The following ADAMTS17 variants were observed in gnomAD, a reference collection of about 807,000 sequenced individuals.
ADAMTS17 encodes ADAM metallopeptidase with thrombospondin type 1 motif 17, also known as A disintegrin and metalloproteinase with thrombospondin motifs 17.
In ADAMTS17, 113 loss-of-function variants were observed where a neutral mutation model predicts 141.5. The ratio of observed to expected loss-of-function variants is 0.80; its 90% CI spans 0.69 to 0.93. ADAMTS17 has a LOEUF of 0.93. Among genes scored for constraint, ADAMTS17 ranks in the 40% least tolerant of loss-of-function variants. The probability of loss-of-function intolerance (pLI) is 0.00; values close to 1 mark genes in which losing one functional copy is unlikely to be tolerated. For missense variants in ADAMTS17, 1,659 were observed against 1,517.9 expected (o/e 1.09, Z -1.54); for synonymous variants, 768 against 630.6 (o/e 1.22, Z -3.27).
chr15:99,985,806 G>A (rs1161968442), intron 20 of ADAMTS17, among the ~76,000 whole-genome samples: 5 of 152,204 alleles, frequency 3.3e-5, no homozygotes, highest in Non-Finnish European at 5.9e-5. Context: ...GAGGGAACGT[G>A]CTTTGTAAAT....
intron 7 of ADAMTS17, among the ~76,000 whole-genome samples, chr15:100,205,675 C>T (rs2041516013): frequency 6.6e-6 from 1 of 152,172 alleles, no homozygotes; most frequent in Admixed American, 6.5e-5. Flanking sequence ...CCTTGAAAAT[C>T]TCTTATTTTG....
chr15:100,010,132 T>C (rs140527951), intron 18 of ADAMTS17, among the ~76,000 whole-genome samples: 1 of 152,302 alleles, frequency 6.6e-6, no homozygotes, highest in East Asian at 1.9e-4. Flanking sequence ...GTGCCTTTGT[T>C]CTCTTTTGGC....
intron 4 of ADAMTS17, among the ~76,000 whole-genome samples, chr15:100,270,719 T>C (rs2142031497): frequency 8.4e-6 from 1 of 118,920 alleles, no homozygotes; most frequent in East Asian, 2.8e-4. Flanking sequence ...AGGCAGGTGA[T>C]ATGTAGGATG....
intron 7 of ADAMTS17, among the ~76,000 whole-genome samples, chr15:100,224,933 T>C (rs4412959): frequency 0.25 from 37,333 of 152,156 alleles, 4,877 homozygotes; most frequent in African/African-American, 0.31. Context: ...CTTAACCACC[T>C]GCATTCCATC....
At chr15:100,103,776 A>G (rs1451472783) in intron 14 of ADAMTS17, among the ~76,000 whole-genome samples, 1 of 152,098 alleles carries the variant, frequency 6.6e-6, no homozygotes, top group Non-Finnish European at 1.5e-5. Flanking sequence ...GGGTTTCACC[A>G]TATCGGCCAG....
At chr15:100,310,927 C>T (rs1380732335) in intron 3 of ADAMTS17, among the ~76,000 whole-genome samples, 1 of 152,220 alleles carries the variant, frequency 6.6e-6, no homozygotes, top group Non-Finnish European at 1.5e-5. Context: ...CTTTGGAAAG[C>T]AGGCTTTGCA....
intron 18 of ADAMTS17, among the ~76,000 whole-genome samples, chr15:100,006,689 A>G (rs1035882567): frequency 2.6e-5 from 4 of 152,294 alleles, no homozygotes; most frequent in African/African-American, 9.6e-5. Flanking sequence ...ATGGGCGCAA[A>G]AGAAGGCGCT....
At chr15:100,322,181 G>A (rs2045752221) in intron 3 of ADAMTS17, among the ~76,000 whole-genome samples, 1 of 152,216 alleles carries the variant, frequency 6.6e-6, no homozygotes, top group Non-Finnish European at 1.5e-5. Context: ...TCAGTGCCAT[G>A]CAGAAGGGGT....
chr15:100,114,723 G>C (rs185665339), intron 13 of ADAMTS17, among the ~76,000 whole-genome samples: 85 of 152,244 alleles, frequency 5.6e-4, no homozygotes, highest in Non-Finnish European at 1.1e-3. Flanking sequence ...AAAGGAAGTG[G>C]GTGAAAGGTC....
intron 13 of ADAMTS17, among the ~76,000 whole-genome samples, chr15:100,114,982 C>G (rs2037022429): frequency 6.6e-6 from 1 of 152,190 alleles, no homozygotes; most frequent in South Asian, 2.1e-4. Context: ...AGCAGGCAAC[C>G]AAGGAAAGAA....
At chr15:100,135,935 T>C (rs1054929798) in intron 10 of ADAMTS17, among the ~76,000 whole-genome samples, 1 of 152,216 alleles carries the variant, frequency 6.6e-6, no homozygotes, top group Non-Finnish European at 1.5e-5. Context: ...GCACCGCTCA[T>C]TGGGAACAAT....
intron 3 of ADAMTS17, among the ~76,000 whole-genome samples, chr15:100,300,563 G>A (rs528708853): frequency 2.6e-5 from 4 of 152,192 alleles, no homozygotes; most frequent in Non-Finnish European, 4.4e-5. Flanking sequence ...GTGCTTCCAC[G>A]TGCAAAGGAG....
intron 4 of ADAMTS17, among the ~76,000 whole-genome samples, chr15:100,269,771 A>C (rs1271692076): frequency 6.6e-6 from 1 of 152,066 alleles, no homozygotes; most frequent in Non-Finnish European, 1.5e-5. Context: ...CTTAGCCTTC[A>C]TCTCTCCTGC....
intron 7 of ADAMTS17, among the ~76,000 whole-genome samples, chr15:100,248,109 C>T (rs28607932): frequency 0.032 from 4,799 of 152,238 alleles, 260 homozygotes; most frequent in African/African-American, 0.11. Flanking sequence ...AGCTCCTCCA[C>T]AGCATCAACC....
intron 4 of ADAMTS17, among the ~76,000 whole-genome samples, chr15:100,279,340 G>A (rs998036225): frequency 6.6e-6 from 1 of 152,182 alleles, no homozygotes; most frequent in African/African-American, 2.4e-5. Flanking sequence ...AGGCGCCTGT[G>A]GCCTGGGCCA....
intron 7 of ADAMTS17, among the ~76,000 whole-genome samples, chr15:100,205,784 G>A (rs4387578): frequency 0.024 from 3,684 of 152,346 alleles, 76 homozygotes; most frequent in Non-Finnish European, 0.038. Flanking sequence ...AGGGGAAGCA[G>A]CCTCCAGGCC....
At chr15:100,207,401 G>A (rs2041616473) in intron 7 of ADAMTS17, among the ~76,000 whole-genome samples, 1 of 152,130 alleles carries the variant, frequency 6.6e-6, no homozygotes, top group African/African-American at 2.4e-5. Flanking sequence ...TTCTATAAGA[G>A]GAGCTCTAAA....
chr15:100,002,236 C>CTTTA (rs975159376), intron 18 of ADAMTS17, among the ~76,000 whole-genome samples: 1 of 151,942 alleles, frequency 6.6e-6, no homozygotes, highest in African/African-American at 2.4e-5. Flanking sequence ...AGACGTCAGG[C>CTTTA]TTTAGGGTGA....
At chr15:100,139,247 AG>A (rs1292239792) in intron 10 of ADAMTS17, among the ~76,000 whole-genome samples, 1 of 152,254 alleles carries the variant, frequency 6.6e-6, no homozygotes, top group Non-Finnish European at 1.5e-5. Context: ...AAAAATTATC[AG>A]GGGCGACTTA....
Sources: allele counts gnomAD v4.1 joint callset (sites outside exome capture counted in the v4.1 genomes callset), GRCh38; gene constraint gnomAD v4.1.1; transcripts MANE v1.5; gene names NCBI Gene and HGNC (gene_info 2026-07-23, HGNC 2026-07-21).